The following FOXP4 variants were observed in gnomAD, a reference collection of about 807,000 sequenced individuals.
FOXP4 encodes the protein forkhead box P4, also known as forkhead box protein P4.
FOXP4 carries 25 observed loss-of-function variants against 82.6 expected under a neutral mutation model. The ratio of observed to expected loss-of-function variants is 0.30; its 90% CI spans 0.22 to 0.42. The LOEUF is 0.42. Ranked by LOEUF, FOXP4 falls within the 10% of genes least tolerant of loss-of-function variation. FOXP4 has a pLI of 1.00. For missense variants in FOXP4, 785 were observed against 900.9 expected (o/e 0.87, Z 1.65); for synonymous variants, 415 against 388.2 (o/e 1.07, Z -0.81).
At chr6:41,556,954 T>TC (rs1764313129) in intron 1 of FOXP4, among the ~76,000 whole-genome samples, 1 of 152,218 alleles carries the variant, frequency 6.6e-6, no homozygotes, top group Admixed American at 6.5e-5. Flanking sequence ...TTTTTAAAGC[T>TC]CCCCAGATGA....
intron 16 of FOXP4, 27 bp from the exon 17 acceptor site, chr6:41,598,762 G>A: frequency 6.4e-7 from 1 of 1,550,554 alleles, no homozygotes; most frequent in Non-Finnish European, 8.7e-7. Flanking sequence ...ACAGCCGCCT[G>A]GTGCCCATGC....
Position 41,593,185 on chromosome 6 carries a change from C to G in FOXP4, c.1537-1685C>G, listed in dbSNP as rs1766615252. Among the ~76,000 whole-genome samples, 1 of 152,244 alleles carries G rather than the reference C, an allele frequency of 6.6e-6. No individual in the cohort carries two copies. The highest frequency in any genetic ancestry group is 2.4e-5 in the African/African-American group (1 of 41,456). ...GCTTCCCTTCCACCTCTACTTTCCA[C>G]TCATTTCTCAGCCCCTCAGGTCATC... is the stretch of plus-strand genomic sequence containing the variant. On this transcript the variant is annotated intron_variant, in intron 13 of 16. Transcript: ENST00000307972. This position sits in a 1 kb window ranked among gnomAD's most constrained non-coding sequence, Gnocchi z 4.1.
chr6:41,582,441 G>C (rs1334815444), intron 3 of FOXP4, among the ~76,000 whole-genome samples: 3 of 152,272 alleles, frequency 2.0e-5, no homozygotes, highest in African/African-American at 7.2e-5. Flanking sequence ...GACCGGGAAA[G>C]TGAGGCTTGG....
chr6:41,566,024 C>A, intron 2 of FOXP4, 60 bp downstream of exon 2: 1 of 1,516,890 alleles, frequency 6.6e-7, no homozygotes, highest in Non-Finnish European at 9.0e-7. Flanking sequence ...GGCTGCATTC[C>A]ACTTCATCCT....
chr6:41,557,603 T>C (rs1764346094), intron 1 of FOXP4, among the ~76,000 whole-genome samples: 1 of 152,162 alleles, frequency 6.6e-6, no homozygotes, highest in Non-Finnish European at 1.5e-5. Context: ...CATGTGGAAA[T>C]GCTTATGATA....
chr6:41,565,931 T>A lies in FOXP4; in HGVS notation c.171T>A (p.Ser57Arg). The change falls in exon 2 of 17, where the codon AGT becomes AGA. Residue 57 changes from serine to arginine, a missense_variant. Around this residue, in one of 3 missense-constraint regions of FOXP4, gnomAD observed 570 missense variants for 634.0 expected, o/e 0.90. Coordinates refer to ENST00000307972, the MANE Select transcript of FOXP4 (RefSeq NM_001012426.2). ...TTGADSNGEM[S>R]PAELLHFQQQ... ...GTGCAGACAGCAATGGTGAGATGAG[T>A]CCCGCAGAGCTGCTGCACTTCCAGC... The A allele has an allele frequency of 6.2e-7, 1 of 1,613,518 alleles. No individual in the cohort carries two copies. The highest frequency in any genetic ancestry group is 8.5e-7 in the Non-Finnish European group (1 of 1,179,898).
chr6:41,551,520 A>T (rs1763997642), intron 1 of FOXP4, among the ~76,000 whole-genome samples: 1 of 152,156 alleles, frequency 6.6e-6, no homozygotes, highest in Non-Finnish European at 1.5e-5. Flanking sequence ...GAGCCTCCAC[A>T]GCCAGGCCTG....
In FOXP4 at chr6:41,593,503, C is replaced by T. The variant is rs9394812; in HGVS notation, c.1537-1367C>T. Among the ~76,000 whole-genome samples the T allele has an allele frequency of 0.1, 15,554 of 152,164 alleles. 1,071 individuals carry two copies. Among genetic ancestry groups the T allele is most frequent in the Middle Eastern group, 0.18 (54 of 294 alleles). On this transcript the variant is annotated intron_variant, in intron 13 of 16. Transcript: ENST00000307972. The surrounding 1 kb of genome is among the most constrained non-coding windows in gnomAD (Gnocchi z 4.1). ...AATTGCCGTTAATGTTTCAGCGTAACGAATTAGTCTCTCATCACGAATCAG... is the reference window on the plus strand; with the variant it reads ...AATTGCCGTTAATGTTTCAGCGTAATGAATTAGTCTCTCATCACGAATCAG...
intron 2 of FOXP4, chr6:41,570,272 C>A: frequency 4.3e-6 from 2 of 467,846 alleles, no homozygotes; most frequent in Non-Finnish European, 8.9e-6. Flanking sequence ...GTGGAGGAGC[C>A]ATGGCATGGA....
At chr6:41,552,340 G>A (rs1318094302) in intron 1 of FOXP4, among the ~76,000 whole-genome samples, 2 of 152,178 alleles carry the variant, frequency 1.3e-5, no homozygotes, top group African/African-American at 2.4e-5. Flanking sequence ...GAGACCCAGC[G>A]AGAGGCTGCG....
In FOXP4 at chr6:41,591,163, G is replaced by A. The variant is rs1766491973; in HGVS notation, c.1435-58G>A. The A allele has an allele frequency of 1.4e-6, 2 of 1,443,682 alleles. No homozygotes were observed. The highest frequency in any genetic ancestry group is 9.6e-7 in the Non-Finnish European group (1 of 1,045,164). 89.4% of individuals were successfully genotyped at this position (1,443,682 alleles called of 1,614,324 possible). ...GAGAGGTACTGGGGGAGGGAACCCA[G>A]GGCTGTGACCCTTCGAGGCCCAGGC... On this transcript the variant is annotated intron_variant, in intron 12 of 16. Transcript: ENST00000307972. This position sits in a 1 kb window ranked among gnomAD's most constrained non-coding sequence, Gnocchi z 4.2.
rs2127397917 is a variant in FOXP4, at chr6:41,590,142, T to C, written c.1329T>C (p.Ser443=). ...HGGGPARRRS[S]DKFCSPISSE... is the part of the protein sequence containing the mutation. ...GGGGCCCAGCCCGTCGGAGAAGCAG[T>C]GACAAGTTCTGCTCCCCCATCTCCT... Residue 443 remains serine, a synonymous_variant, in exon 11 of 17, where the codon AGT becomes AGC. Coordinates refer to ENST00000307972, the MANE Select transcript of FOXP4 (RefSeq NM_001012426.2). 1 of 1,608,486 alleles carries C rather than the reference T, an allele frequency of 6.2e-7. No homozygotes were observed. Among genetic ancestry groups the C allele is most frequent in the Non-Finnish European group, 8.5e-7 (1 of 1,176,040 alleles).
intron 2 of FOXP4, among the ~76,000 whole-genome samples, chr6:41,567,956 A>G (rs759853215): frequency 3.3e-5 from 5 of 152,246 alleles, no homozygotes; most frequent in Admixed American, 2.0e-4. Context: ...GCCAAGGAAC[A>G]TATTTGAGAC....
intron 2 of FOXP4, 74 bp from the exon 3 acceptor site, chr6:41,577,912 G>GC: frequency 9.1e-7 from 1 of 1,095,146 alleles, no homozygotes; most frequent in Non-Finnish European, 1.3e-6. Context: ...TCTCCTTACT[G>GC]CCCCAAACAC....
rs1767110583 is a variant in FOXP4, at chr6:41,599,762, GC to G, written c.*829del. 1.3e-5 allele frequency: 2 copies of G among 152,636 alleles called. No individual in the cohort carries two copies. The highest frequency in any genetic ancestry group is 3.9e-4 in the East Asian group (2 of 5,140). 9.5% of individuals were successfully genotyped at this position (152,636 alleles called of 1,614,324 possible). ...GCCAGAGGCGGGGCCTGGGCCGGGA[GC>G]CCAGGGGAAGGCCAGGCTGGACCCC... is the stretch of plus-strand genomic sequence containing the variant. On this transcript the variant is annotated 3_prime_UTR_variant, in exon 17 of 17. Transcript: ENST00000307972.
chr6:41,562,294 G>T (rs1304675392), intron 1 of FOXP4, among the ~76,000 whole-genome samples: 2 of 152,250 alleles, frequency 1.3e-5, no homozygotes, highest in South Asian at 2.1e-4. Flanking sequence ...GACCCTGGAG[G>T]GGGCAGAGCA....
chr6:41,569,727 T>G (rs1416814545), intron 2 of FOXP4, among the ~76,000 whole-genome samples: 1 of 152,066 alleles, frequency 6.6e-6, no homozygotes. Flanking sequence ...ACTCCCATTG[T>G]CCATGGGTTG....
intron 9 of FOXP4, among the ~76,000 whole-genome samples, chr6:41,589,447 C>T (rs1242713510): frequency 5.3e-5 from 8 of 152,320 alleles, no homozygotes; most frequent in South Asian, 4.1e-4. Flanking sequence ...GCACAGTGGC[C>T]GCCCCCCCGT....
Position 41,590,084 on chromosome 6 carries a change from C to A in FOXP4, c.1271C>A (p.Pro424His). The change falls in exon 11 of 17, where the codon CCC (proline) becomes CAC (histidine). Residue 424 changes from proline to histidine, a missense_variant. Physicochemically the swap from Pro to His is moderately conservative, Grantham distance 77. Coordinates refer to ENST00000307972, the MANE Select transcript of FOXP4 (RefSeq NM_001012426.2). ...SAAAPVTPLRPPGLGSASLHG... is the reference protein window; with the variant it reads ...SAAAPVTPLRHPGLGSASLHG... ...GCAGCCCCTGTCACCCCTCTACGGC[C>A]CCCTGGCCTGGGCTCTGCCTCCCTG... The A allele has an allele frequency of 6.2e-7, 1 of 1,613,866 alleles. No homozygotes were observed. Among genetic ancestry groups the A allele is most frequent in the Non-Finnish European group, 8.5e-7 (1 of 1,179,942 alleles).
Sources: gnomAD v4.1 joint callset for allele counts (sites outside exome capture counted in the v4.1 genomes callset) on GRCh38, gnomAD v4.1.1 for gene constraint, gnomAD v4.1.1 regional missense constraint, Gnocchi (gnomAD v3.1) non-coding constraint, MANE v1.5 for transcripts, NCBI Gene and HGNC (gene_info 2026-07-23, HGNC 2026-07-21) for gene names.